Variants in TRHR observed in about 807,000 individuals in gnomAD.
TRHR encodes thyrotropin releasing hormone receptor, also known as thyrotropin-releasing hormone receptor.
In TRHR, 14 loss-of-function variants were observed where a neutral mutation model predicts 28.0. The ratio of observed to expected loss-of-function variants is 0.50; its 90% confidence interval spans 0.33 to 0.78. The LOEUF is 0.78. Among genes scored for constraint, TRHR ranks in the 30% least tolerant of loss-of-function variants. The pLI is 0.02. For missense variants in TRHR, 438 were observed against 469.5 expected (o/e 0.93, Z 0.62); for synonymous variants, 176 against 171.9 (o/e 1.02, Z -0.18).
At chr8:109,098,375 T>C (rs1811626716) in intron 2 of TRHR, among the ~76,000 whole-genome samples, 2 of 151,906 alleles carry the variant, frequency 1.3e-5, no homozygotes, top group Admixed American at 1.3e-4. Context: ...CAAGGGATCC[T>C]CCTACCTTGC....
chr8:109,087,047 T>A (rs1386870571), intron 1 of TRHR, among the ~76,000 whole-genome samples, 164 bp downstream of exon 1: 1 of 152,236 alleles, frequency 6.6e-6, no homozygotes, highest in African/African-American at 2.4e-5. Context: ...TCTTGGCTTT[T>A]TCCTCTGGTA....
At chr8:109,094,136 A>G (rs1289352067) in intron 2 of TRHR, among the ~76,000 whole-genome samples, 1 of 152,170 alleles carries the variant, frequency 6.6e-6, no homozygotes, top group Admixed American at 6.5e-5. Flanking sequence ...AGCTTAATCA[A>G]TGGTTAAGCT....
chr8:109,119,357 C>T lies in TRHR; in HGVS notation c.1099C>T (p.Leu367Phe). 3 of 1,612,328 alleles carry T rather than the reference C, an allele frequency of 1.9e-6. No homozygotes were observed. Among genetic ancestry groups the T allele is most frequent in the Non-Finnish European group, 2.5e-6 (3 of 1,179,016 alleles). ...GGAGTCAGACCATTTCAGCACAGAGCTTGATGATATCACTGTCACTGACAC... is the reference window on the plus strand; with the variant it reads ...GGAGTCAGACCATTTCAGCACAGAGTTTGATGATATCACTGTCACTGACAC... ...IKESDHFSTE[L>F]DDITVTDTYL... The change falls in exon 3 of 3, where the codon CTT (leucine) becomes TTT (phenylalanine). Residue 367 changes from leucine (L) to phenylalanine (F), a missense_variant. Transcript: ENST00000518632.
In TRHR at chr8:109,119,434, G is replaced by C; in HGVS notation, c.1176G>C (p.Glu392Asp). The change falls in exon 3 of 3, where the codon GAG becomes GAC. Residue 392 changes from glutamate (E) to aspartate (D), a missense_variant. Glu to Asp is a conservative substitution (Grantham distance 45, BLOSUM62 2). Transcript: ENST00000518632. ...VSFDDTCLAS[E>D]VSFSQS ...TTGATGACACCTGCTTGGCTTCTGA[G>C]GTATCCTTTAGCCAAAGTTGATTCA... is the stretch of plus-strand genomic sequence containing the variant. The C allele has an allele frequency of 6.2e-7, 1 of 1,612,126 alleles. No homozygotes were observed. The highest frequency in any genetic ancestry group is 1.1e-5 in the South Asian group (1 of 91,034).
chr8:109,119,273 C>A lies in TRHR; in HGVS notation c.1015C>A (p.Gln339Lys). The A allele has an allele frequency of 6.2e-7, 1 of 1,612,696 alleles. No individual in the cohort carries two copies. The change falls in exon 3 of 3, where the codon CAG becomes AAG. Residue 339 changes from glutamine (Q) to lysine (K), a missense_variant. By Grantham distance (53) the Gln-to-Lys change is moderately conservative. Coordinates refer to ENST00000518632, the MANE Select transcript of TRHR (RefSeq NM_003301.7). The stretch of plus-strand genomic sequence containing the variant: ...CTTCAGAAAGCTCTGCAACTGCAAG[C>A]AGAAGCCAACAGAGAAACCTGCTAA... ...AAFRKLCNCK[Q>K]KPTEKPANYS... is the part of the protein sequence containing the mutation.
At chr8:109,106,085 GGCA>G (rs1401590376) in intron 2 of TRHR, among the ~76,000 whole-genome samples, 1 of 152,144 alleles carries the variant, frequency 6.6e-6, no homozygotes, top group Non-Finnish European at 1.5e-5. Flanking sequence ...GCTTATCACA[GGCA>G]GCCTAAACTA....
intron 1 of TRHR, among the ~76,000 whole-genome samples, chr8:109,087,115 T>A (rs1811444832): frequency 6.6e-6 from 1 of 152,236 alleles, no homozygotes; most frequent in Admixed American, 6.5e-5. Flanking sequence ...TCATATTTAT[T>A]TTTCAGTTAG....
intron 2 of TRHR, among the ~76,000 whole-genome samples, chr8:109,108,405 AC>A (rs1264668120): frequency 1.3e-5 from 2 of 152,160 alleles, no homozygotes; most frequent in Non-Finnish European, 2.9e-5. Context: ...CCAGAGAAGC[AC>A]AAGGGAGAAA....
intron 2 of TRHR, among the ~76,000 whole-genome samples, chr8:109,098,138 CTT>C (rs375844081): frequency 6.9e-6 from 1 of 145,538 alleles, no homozygotes; most frequent in African/African-American, 2.5e-5. Context: ...TTTCTTTTTT[CTT>C]TTTTTTTTTG....
chr8:109,119,158 G>T lies in TRHR; in HGVS notation c.900G>T (p.Trp300Cys). Residue 300 changes from tryptophan to cysteine, a missense_variant, in exon 3 of 3, where the codon TGG (tryptophan) becomes TGT (cysteine). Coordinates refer to ENST00000518632, the MANE Select transcript of TRHR (RefSeq NM_003301.7). ...SFLSSPFQEN[W>C]FLLFCRICIY... ...TCTCCAGTCCTTTCCAAGAAAATTGGTTTTTGCTCTTTTGCAGAATTTGCA... is the reference window on the plus strand; with the variant it reads ...TCTCCAGTCCTTTCCAAGAAAATTGTTTTTTGCTCTTTTGCAGAATTTGCA... 4.3e-6 allele frequency: 7 copies of T among 1,612,788 alleles called. No homozygotes were observed. Among genetic ancestry groups the T allele is most frequent in the Non-Finnish European group, 5.9e-6 (7 of 1,179,236 alleles).
intron 2 of TRHR, among the ~76,000 whole-genome samples, chr8:109,104,244 G>A (rs1227465671): frequency 6.6e-6 from 1 of 152,120 alleles, no homozygotes; most frequent in Non-Finnish European, 1.5e-5. Flanking sequence ...ATTAATGCTA[G>A]AGAGTCAAGT....
At chr8:109,117,145 T>C (rs1262300600) in intron 2 of TRHR, among the ~76,000 whole-genome samples, 2 of 151,934 alleles carry the variant, frequency 1.3e-5, no homozygotes, top group African/African-American at 2.4e-5. Flanking sequence ...GGGTTTATAA[T>C]TGAAGAATTT....
chr8:109,104,201 C>T (rs1203090582), intron 2 of TRHR, among the ~76,000 whole-genome samples: 1 of 152,082 alleles, frequency 6.6e-6, no homozygotes, highest in Non-Finnish European at 1.5e-5. Flanking sequence ...CATCTTTCTT[C>T]TTCAGCTAAA....
At chr8:109,110,401 A>G (rs376441758) in intron 2 of TRHR, among the ~76,000 whole-genome samples, 35 of 150,740 alleles carry the variant, frequency 2.3e-4, no homozygotes, top group African/African-American at 7.8e-4. Flanking sequence ...ACAAAAATAA[A>G]AATCCTATGT....
At chr8:109,103,202 C>T (rs1301804394) in intron 2 of TRHR, among the ~76,000 whole-genome samples, 1 of 152,178 alleles carries the variant, frequency 6.6e-6, no homozygotes, top group African/African-American at 2.4e-5. Context: ...TCTGTTCTCA[C>T]ATCTTAAACC....
At chr8:109,112,515 T>A (rs1811850525) in intron 2 of TRHR, among the ~76,000 whole-genome samples, 1 of 152,194 alleles carries the variant, frequency 6.6e-6, no homozygotes, top group South Asian at 2.1e-4. Context: ...TTAATTTTCC[T>A]TTTTTCCCTC....
chr8:109,089,371 CT>C (rs1811491071), intron 2 of TRHR, among the ~76,000 whole-genome samples: 1 of 151,122 alleles, frequency 6.6e-6, no homozygotes, highest in Non-Finnish European at 1.5e-5. Flanking sequence ...ACTGAGTGTA[CT>C]TTGTAAAAAA....
At chr8:109,087,346 G>T in intron 1 of TRHR, 79 bp from the exon 2 acceptor site, 1 of 753,906 alleles carries the variant, frequency 1.3e-6, no homozygotes, top group Non-Finnish European at 2.2e-6. Context: ...GAAAGGAGTG[G>T]AAGTGACGGT....
At chr8:109,094,729 A>G (rs898830722) in intron 2 of TRHR, among the ~76,000 whole-genome samples, 1 of 151,594 alleles carries the variant, frequency 6.6e-6, no homozygotes, top group African/African-American at 2.4e-5. Flanking sequence ...TAAAATTAGG[A>G]ATAAACAATG....
Sources: gnomAD v4.1 joint callset for allele counts (sites outside exome capture counted in the v4.1 genomes callset) on GRCh38, gnomAD v4.1.1 for gene constraint, MANE v1.5 for transcripts, NCBI Gene and HGNC (gene_info 2026-07-23, HGNC 2026-07-21) for gene names.